The following DUS3L variants were observed in gnomAD, a reference collection of about 807,000 sequenced individuals.
DUS3L encodes the protein tRNA-dihydrouridine(47) synthase [NAD(P)(+)]-like.
A neutral mutation model predicts 74.6 loss-of-function variants in DUS3L; 62 were observed. The observed-to-expected ratio is 0.83, with a 90% CI of 0.68 to 1.03. The LOEUF is 1.03. Among genes scored for constraint, DUS3L ranks in the 50% least tolerant of loss-of-function variants. The probability of loss-of-function intolerance (pLI) is 0.00; values close to 1 mark genes in which losing one functional copy is unlikely to be tolerated. For synonymous variants in DUS3L, 433 were observed against 395.7 expected (o/e 1.09, Z -1.12); for missense variants, 884 against 924.4 (o/e 0.96, Z 0.57).
chr19:5,789,301 G>A lies in DUS3L; in HGVS notation c.806C>T (p.Pro269Leu), dbSNP rs1350666577. 10 of 1,600,962 alleles carry A rather than the reference G, an allele frequency of 6.2e-6. No homozygotes were observed. Among genetic ancestry groups the A allele is most frequent in the Non-Finnish European group, 8.5e-6 (10 of 1,174,184 alleles). ...GCTGCTGGGAGGGGTGCTAGTGCCC[G>A]GCCCTGCGGGGACCTGCTGGGCACC... ...NCGAQQVPAG[P>L]GTSTPPSSPV... is the part of the protein sequence containing the mutation. The change falls in exon 3 of 13, where the codon CCG (proline) becomes CTG (leucine). Residue 269 changes from proline (P) to leucine (L), a missense_variant. By Grantham distance (98) the Pro-to-Leu change is moderately conservative. Transcript: ENST00000309061.
At chr19:5,785,546 C>T (rs1315641510) in intron 11 of DUS3L, 35 bp from the exon 12 acceptor site, 7 of 1,549,396 alleles carry the variant, frequency 4.5e-6, no homozygotes, top group Non-Finnish European at 6.1e-6. Flanking sequence ...AGGCTTGAGT[C>T]AGCTCTAACC....
rs574477099 is a variant in DUS3L at position 5,791,065 on chromosome 19, C to T, written c.77G>A (p.Gly26Glu). The T allele has an allele frequency of 2.3e-5, 37 of 1,605,780 alleles. No homozygotes were observed. The East Asian group carries it at 6.7e-4, about 29-fold the overall frequency. Residue 26 changes from glycine (G) to glutamate (E), a missense_variant, in exon 1 of 13, where the codon GGA (glycine) becomes GAA (glutamate). Transcript: ENST00000309061. Reference protein sequence around the residue: ...GDSGAGALERGVAPIKRQYLT... With the variant: ...GDSGAGALEREVAPIKRQYLT... ...TCACTGACGCTTAATGGGCGCCACT[C>T]CTCGTTCCAAAGCTCCGGCTCCCGA... is the stretch of plus-strand genomic sequence containing the variant.
At position 5,788,189 on chromosome 19, in the gene DUS3L, C is replaced by A; in HGVS notation, c.943-13G>T. The A allele has an allele frequency of 6.2e-7, 1 of 1,613,158 alleles. No individual in the cohort carries two copies. Among genetic ancestry groups the A allele is most frequent in the Non-Finnish European group, 8.5e-7 (1 of 1,180,000 alleles). On this transcript the variant is annotated splice_polypyrimidine_tract_variant and intron_variant, in intron 4 of 12. Transcript: ENST00000309061. ...GCAGGTTCCCACACTGCGGGGGGAG[C>A]AGGACAGACACACATGCTCTTGCAC...
rs969515223 is a variant in DUS3L at position 5,789,639 on chromosome 19, G to A, written c.468C>T (p.Ala156=). The A allele has an allele frequency of 2.5e-6, 4 of 1,606,548 alleles. No individual in the cohort carries two copies. Among genetic ancestry groups the A allele is most frequent in the African/African-American group, 1.3e-5 (1 of 75,024 alleles). ...AGAGCACGCAGCGGGGGCCCAGGTC[G>A]GCCGGCTTGGTCTCCAGGTAGCGCC... ...DVGRYLETKP[A]DLGPRCVLFE... is the part of the protein sequence containing the mutation. Residue 156 remains alanine (A), a synonymous_variant, in exon 3 of 13, where the codon GCC becomes GCT. Transcript: ENST00000309061.
chr19:5,788,042 C>A lies in DUS3L; in HGVS notation c.1077G>T (p.Glu359Asp), dbSNP rs1236196450. 1 of 1,613,396 alleles carries A rather than the reference C, an allele frequency of 6.2e-7. No homozygotes were observed. Among genetic ancestry groups the A allele is most frequent in the Admixed American group, 1.7e-5 (1 of 59,998 alleles). ...EWALLKRHQCEDIFGVQLEGA... is the reference protein window; with the variant it reads ...EWALLKRHQCDDIFGVQLEGA... ...CACTGACCTGGACGCCAAAGATGTCCTCACACTGGTGGCGTTTGAGTAGGG... is the reference window on the plus strand; with the variant it reads ...CACTGACCTGGACGCCAAAGATGTCATCACACTGGTGGCGTTTGAGTAGGG... The change falls in exon 5 of 13, where the codon GAG (glutamate) becomes GAT (aspartate). Residue 359 changes from glutamate (E) to aspartate (D), a missense_variant. Coordinates refer to ENST00000309061, the MANE Select transcript of DUS3L (RefSeq NM_020175.3).
Position 5,790,199 on chromosome 19 carries a change from C to T in DUS3L, c.235G>A (p.Asp79Asn), listed in dbSNP as rs1429325601. The change falls in exon 2 of 13, where the codon GAT becomes AAT. Residue 79 changes from aspartate (D) to asparagine (N), a missense_variant. Coordinates refer to ENST00000309061, the MANE Select transcript of DUS3L (RefSeq NM_020175.3). ...EPEAKRIRLE[D>N]GQTADGQTEE... ...GTCTGCCCGTCCGCCGTCTGTCCAT[C>T]CTCCAGTCGGATCCGCTTAGCCTCA... The T allele has an allele frequency of 1.9e-6, 3 of 1,614,198 alleles. No homozygotes were observed. The South Asian group carries it at 3.3e-5, about 18-fold the overall frequency.
At chr19:5,790,909 G>T in intron 1 of DUS3L, 135 bp downstream of exon 1, 1 of 872,414 alleles carries the variant, frequency 1.1e-6, no homozygotes, top group Non-Finnish European at 1.8e-6. Context: ...CCTGCAGGCG[G>T]AAGAACGGCC....
rs896710091 is a variant in DUS3L at position 5,785,700 on chromosome 19, C to A, written c.1654G>T (p.Asp552Tyr). 1 of 1,612,468 alleles carries A rather than the reference C, an allele frequency of 6.2e-7. No individual in the cohort carries two copies. Among genetic ancestry groups the A allele is most frequent in the African/African-American group, 1.3e-5 (1 of 74,944 alleles). The change falls in exon 11 of 13, where the codon GAC becomes TAC. Residue 552 changes from aspartate (D) to tyrosine (Y), a missense_variant. By Grantham distance (160) the Asp-to-Tyr change is radical (BLOSUM62 -3). Coordinates refer to ENST00000309061, the MANE Select transcript of DUS3L (RefSeq NM_020175.3). ...TGCTCCAGGCCGTAGTTGGTGAAGTCCCGCAGGATGTCCAGGCGCTCGGAC... is the reference window on the plus strand; with the variant it reads ...TGCTCCAGGCCGTAGTTGGTGAAGTACCGCAGGATGTCCAGGCGCTCGGAC... ...SSSERLDILR[D>Y]FTNYGLEHWG...
intron 12 of DUS3L, 54 bp from the exon 13 acceptor site, chr19:5,785,329 T>TCCGTGACC: frequency 6.2e-7 from 1 of 1,608,842 alleles, no homozygotes; most frequent in Non-Finnish European, 8.5e-7. Flanking sequence ...CAAAGTACCC[T>TCCGTGACC]CCGTGACCCC....
chr19:5,787,988 CCCCTCCACTCT>C (rs1243211156), intron 5 of DUS3L, 25 bp downstream of exon 5: 3 of 1,606,888 alleles, frequency 1.9e-6, no homozygotes, highest in Admixed American at 3.3e-5. Context: ...CGGCCGAGGG[CCCCTCCACTCT>C]CCCTCCCTCG....
At chr19:5,789,049 AG>A (rs2144735971) in intron 3 of DUS3L, 157 bp downstream of exon 3, 1 of 1,082,870 alleles carries the variant, frequency 9.2e-7, no homozygotes, top group Non-Finnish European at 1.2e-6. Flanking sequence ...GGCTGGGCCC[AG>A]GACAGAGCAC....
At position 5,788,129 on chromosome 19, in the gene DUS3L, A is replaced by G; in HGVS notation, c.990T>C (p.Asp330=). The G allele has an allele frequency of 6.2e-7, 1 of 1,613,652 alleles. No homozygotes were observed. Among genetic ancestry groups the G allele is most frequent in the Non-Finnish European group, 8.5e-7 (1 of 1,180,024 alleles). The change falls in exon 5 of 13, where the codon GAT becomes GAC. Residue 330 remains aspartate, a synonymous_variant. Transcript: ENST00000309061. The part of the protein sequence containing the change: ...FRRICKRFGA[D]VTCGEMAVCT... ...AGACGGCCATCTCTCCACATGTCAC[A>G]TCCGCCCCGAAGCGCTTGCAGATCC...
rs1467844481 is a variant in DUS3L at position 5,789,353 on chromosome 19, C to T, written c.754G>A (p.Glu252Lys). The T allele has an allele frequency of 3.1e-6, 5 of 1,598,008 alleles. No homozygotes were observed. In the African/African-American group the frequency reaches 4.0e-5, roughly 13 times the overall value. The change falls in exon 3 of 13, where the codon GAG becomes AAG. Residue 252 changes from glutamate to lysine, a missense_variant. Glu to Lys is a moderately conservative substitution (Grantham distance 56). Transcript: ENST00000309061. ...CAGTTTTCCTGCCTGGGAGCGCCCT[C>T]GGCTGCCGTGCCCTCGGGGACAGCG... ...AAAVPEGTAA[E>K]GAPRQENCGA...
intron 8 of DUS3L, 73 bp from the exon 9 acceptor site, chr19:5,786,918 G>A (rs1273565851): frequency 6.6e-7 from 1 of 1,519,368 alleles, no homozygotes; most frequent in South Asian, 1.3e-5. Flanking sequence ...AAGAGAGCCA[G>A]GCTGAGAGAG....
chr19:5,787,654 G>A lies in DUS3L; in HGVS notation c.1147C>T (p.Arg383Cys), dbSNP rs924350406. ...TCCACAAAGTCCACCTCCACGGTGCGGCTCAGCAGCTCGGCACACTTGGTC... is the reference window on the plus strand; with the variant it reads ...TCCACAAAGTCCACCTCCACGGTGCAGCTCAGCAGCTCGGCACACTTGGTC... ...TMTKCAELLS[R>C]TVEVDFVDIN... The change falls in exon 6 of 13, where the codon CGC becomes TGC. Residue 383 changes from arginine (R) to cysteine (C), a missense_variant. Arg to Cys is a radical substitution (Grantham distance 180). Transcript: ENST00000309061. 14 of 1,613,746 alleles carry A rather than the reference G, an allele frequency of 8.7e-6. No individual in the cohort carries two copies. The highest frequency in any genetic ancestry group is 2.2e-5 in the East Asian group (1 of 44,896).
At position 5,791,043 on chromosome 19, in the gene DUS3L, C is replaced by G. The variant is rs1306126857; in HGVS notation, c.98+1G>C. On this transcript the variant is annotated splice_donor_variant, in intron 1 of 12. Transcript: ENST00000309061. LOFTEE classifies it high-confidence loss of function. ...GCTTCCCTCCTGCCCCGGCGACTCA[C>G]TGACGCTTAATGGGCGCCACTCCTC... is the stretch of plus-strand genomic sequence containing the variant. 6.3e-7 allele frequency: 1 copy of G among 1,598,120 alleles called. No individual in the cohort carries two copies. The highest frequency in any genetic ancestry group is 8.5e-7 in the Non-Finnish European group (1 of 1,172,698).
At position 5,785,563 on chromosome 19, in the gene DUS3L, G is replaced by T. The variant is rs764142755; in HGVS notation, c.1751+40C>A. On this transcript the variant is annotated intron_variant, in intron 11 of 12. Transcript: ENST00000309061. ...GCTTGAGTCAGCTCTAACCAGCCGCGGCCCACGCGCCGCCCACCCCAGCCA... is the reference window on the plus strand; with the variant it reads ...GCTTGAGTCAGCTCTAACCAGCCGCTGCCCACGCGCCGCCCACCCCAGCCA... 6 of 1,569,334 alleles carry T rather than the reference G, an allele frequency of 3.8e-6. No homozygotes were observed. In the African/African-American group the frequency reaches 5.4e-5, roughly 14 times the overall value.
chr19:5,785,271 T>G lies in DUS3L; in HGVS notation c.1885A>C (p.Met629Leu), dbSNP rs890591488. ...KAADWIRISE[M>L]LLGPVPPSFA... ...CTGGGGGGCACTGGCCCAAGGAGCA[T>G]CTCGCTGTGGGAGAGCAGGTGGAAA... Residue 629 changes from methionine (M) to leucine (L), a missense_variant, in exon 13 of 13, where the codon ATG becomes CTG. Transcript: ENST00000309061. The G allele has an allele frequency of 6.2e-7, 1 of 1,611,086 alleles. No individual in the cohort carries two copies. The highest frequency in any genetic ancestry group is 8.5e-7 in the Non-Finnish European group (1 of 1,179,408).
Position 5,787,667 on chromosome 19 carries a change from G to A in DUS3L, c.1134C>T (p.Ala378=), listed in dbSNP as rs1054173916. 3.1e-6 allele frequency: 5 copies of A among 1,613,740 alleles called. No individual in the cohort carries two copies. Among genetic ancestry groups the A allele is most frequent in the South Asian group, 2.2e-5 (2 of 91,080 alleles). ...GAFPDTMTKC[A]ELLSRTVEVD... is the part of the protein sequence containing the mutation. ...CCTCCACGGTGCGGCTCAGCAGCTCGGCACACTTGGTCATGGTGTCGGGGA... is the reference window on the plus strand; with the variant it reads ...CCTCCACGGTGCGGCTCAGCAGCTCAGCACACTTGGTCATGGTGTCGGGGA... The change falls in exon 6 of 13, where the codon GCC becomes GCT. Residue 378 remains alanine (A), a synonymous_variant. Transcript: ENST00000309061.
Sources: gnomAD v4.1 joint callset for allele counts on GRCh38, gnomAD v4.1.1 for gene constraint, MANE v1.5 for transcripts, NCBI Gene and HGNC (gene_info 2026-07-23, HGNC 2026-07-21) for gene names.